The following SYNE2 variants were observed in gnomAD, a reference collection of about 807,000 sequenced individuals.
SYNE2 encodes spectrin repeat containing nuclear envelope protein 2, also known as nesprin-2.
In SYNE2, 431 loss-of-function variants were observed where a neutral mutation model predicts 856.3. The observed-to-expected ratio is 0.50, with a 90% CI of 0.47 to 0.55. The LOEUF (loss-of-function observed/expected upper bound fraction) is 0.55. Among genes scored for constraint, SYNE2 ranks in the 20% least tolerant of loss-of-function variants. The pLI, the probability that SYNE2 is intolerant of heterozygous loss-of-function variation, is 0.00. For missense variants in SYNE2, 8,129 were observed against 8,023.2 expected, an observed-to-expected ratio of 1.01 and a Z score of -0.50; for synonymous variants, 2,923 against 2,872.3, an observed-to-expected ratio of 1.02 and a Z score of -0.56.
rs1443757958 is a variant in SYNE2, at chr14:64,049,727, A to G, written c.7494A>G (p.Ala2498=). The G allele has an allele frequency of 2.5e-6, 4 of 1,614,090 alleles. No homozygotes were observed. Among genetic ancestry groups the G allele is most frequent in the Non-Finnish European group, 1.7e-6 (2 of 1,180,042 alleles). ...TTCTCCACAATATAGGATATTCGGCACAGCATTTGGACAATTTGCTTCAGG... is the reference window on the plus strand; with the variant it reads ...TTCTCCACAATATAGGATATTCGGCGCAGCATTTGGACAATTTGCTTCAGG... ...ALVLHNIGYS[A]QHLDNLLQAL... The change falls in exon 47 of 116, where the codon GCA becomes GCG. Residue 2498 remains alanine (A), a synonymous_variant. Transcript: ENST00000555002.
intron 110 of SYNE2, 72 bp from the exon 111 acceptor site, chr14:64,220,365 T>C (rs2098688757): frequency 1.1e-5 from 17 of 1,543,914 alleles, no homozygotes; most frequent in Non-Finnish European, 1.5e-5. Context: ...ATTTGTTCCC[T>C]ACTGAGGTTC....
Position 64,125,139 on chromosome 14 carries a change from A to G in SYNE2, c.13483A>G (p.Thr4495Ala), listed in dbSNP as rs776906428. The G allele has an allele frequency of 8.1e-6, 13 of 1,614,228 alleles. No individual in the cohort carries two copies. In the East Asian group the frequency reaches 2.0e-4, roughly 25 times the overall value. ...VTMYNFRYPT[T>A]EELKTYTTQL... ...TATGTATAACTTTAGATACCCAACA[A>G]CTGAAGAACTGAAAACCTATACCAC... is the stretch of plus-strand genomic sequence containing the variant. Residue 4495 changes from threonine to alanine, a missense_variant, in exon 71 of 116, where the codon ACT becomes GCT. Thr to Ala is a moderately conservative substitution (Grantham distance 58). This residue lies in a region of SYNE2 where 5,410 missense variants were observed against 5,284.8 expected (regional missense o/e 1.02). Transcript: ENST00000555002.
At chr14:63,940,439 G>A (rs1489013939) in intron 2 of SYNE2, among the ~76,000 whole-genome samples, 175 bp from the exon 3 acceptor site, 17 of 150,566 alleles carry the variant, frequency 1.1e-4, no homozygotes, top group Admixed American at 1.1e-3. Flanking sequence ...GTATCAACAT[G>A]GTTTTTCTAA....
At chr14:64,216,494 T>C (rs974797906) in intron 108 of SYNE2, 107 bp downstream of exon 108, 43 of 1,288,064 alleles carry the variant, frequency 3.3e-5, no homozygotes, top group Non-Finnish European at 4.4e-5. Flanking sequence ...TCCCCAGGCA[T>C]ATTTTGAGTT....
intron 11 of SYNE2, among the ~76,000 whole-genome samples, chr14:63,969,422 C>T (rs1342357691): frequency 1.3e-5 from 2 of 149,630 alleles, no homozygotes; most frequent in African/African-American, 4.9e-5. Flanking sequence ...CTCACTGCAA[C>T]CCCTCCACCT....
intron 1 of SYNE2, among the ~76,000 whole-genome samples, chr14:63,886,311 C>T (rs1479204695): frequency 6.6e-6 from 1 of 152,048 alleles, no homozygotes; most frequent in Admixed American, 6.6e-5. Context: ...AGCTAATGGT[C>T]CTCTTTTGGC....
Position 64,090,739 on chromosome 14 carries a change from T to G in SYNE2, c.11794-127T>G, listed in dbSNP as rs143371564. The G allele has an allele frequency of 8.3e-4, 706 of 855,700 alleles. 1 individual carries two copies. In the African/African-American group the frequency reaches 0.011, roughly 14 times the overall value. The allele number at this position is 855,700 out of a possible 1,614,324, so 53.0% of individuals were successfully genotyped here. A position where few individuals can be genotyped will look rare whatever the true frequency, so the allele number is the denominator to read the frequency against. On this transcript the variant is annotated intron_variant, in intron 59 of 115. Transcript: ENST00000555002. The stretch of plus-strand genomic sequence containing the variant: ...AGTGATATAATAGTTCTTTTCAATC[T>G]GAGCTAAGAAATTATTTTAAAAATG...
At position 64,162,059 on chromosome 14, in the gene SYNE2, G is replaced by A. The variant is rs773609479; in HGVS notation, c.16095-13G>A. 9.9e-6 allele frequency: 16 copies of A among 1,613,952 alleles called. No individual in the cohort carries two copies. Among genetic ancestry groups the A allele is most frequent in the African/African-American group, 1.3e-5 (1 of 74,900 alleles). ...AGAGAATGAGGGTTATGTTATTTGC[G>A]TTGCACTGACAGGTGGACTCAGGTG... On this transcript the variant is annotated splice_polypyrimidine_tract_variant and intron_variant, in intron 87 of 115. Transcript: ENST00000555002.
chr14:63,828,683 A>T (rs1026173409), intron 1 of SYNE2, among the ~76,000 whole-genome samples: 1 of 152,176 alleles, frequency 6.6e-6, no homozygotes, highest in Admixed American at 6.6e-5. Context: ...GTGAGCCAAG[A>T]TCATGACACT....
intron 49 of SYNE2, among the ~76,000 whole-genome samples, chr14:64,060,787 C>A (rs1159477342): frequency 5.9e-5 from 9 of 152,130 alleles, no homozygotes; most frequent in Non-Finnish European, 1.3e-4. Context: ...AGTACTTTAG[C>A]CCAAGGTGGC....
At position 64,000,581 on chromosome 14, in the gene SYNE2, A is replaced by C. The variant is rs1476380764; in HGVS notation, c.3500A>C (p.Asp1167Ala). The C allele has an allele frequency of 1.2e-6, 2 of 1,613,374 alleles. No individual in the cohort carries two copies. The highest frequency in any genetic ancestry group is 2.2e-5 in the East Asian group (1 of 44,760). Reference protein sequence around the residue: ...TDLQVIKNETDARWKEFEIIS... With the variant: ...TDLQVIKNETAARWKEFEIIS... Reference sequence around the variant, plus strand: ...ATCTAGGTCATAAAAAATGAAACTGATGCTCGCTGGAAAGAGTTTGAAATT... The same window carrying C: ...ATCTAGGTCATAAAAAATGAAACTGCTGCTCGCTGGAAAGAGTTTGAAATT... The change falls in exon 28 of 116, where the codon GAT becomes GCT. Residue 1167 changes from aspartate to alanine, a missense_variant. Transcript: ENST00000555002.
intron 66 of SYNE2, among the ~76,000 whole-genome samples, chr14:64,113,865 C>G (rs1217709449): frequency 6.6e-6 from 1 of 152,016 alleles, no homozygotes; most frequent in African/African-American, 2.4e-5. Flanking sequence ...AGTAGGTTAT[C>G]TTATAGGATT....
intron 1 of SYNE2, among the ~76,000 whole-genome samples, chr14:63,864,223 A>G (rs956978456): frequency 2.0e-5 from 3 of 152,234 alleles, no homozygotes; most frequent in African/African-American, 4.8e-5. Flanking sequence ...TTGAGTAAGA[A>G]TCTTTCCTCT....
At chr14:63,922,901 A>G (rs999922213) in intron 2 of SYNE2, among the ~76,000 whole-genome samples, 2 of 152,180 alleles carry the variant, frequency 1.3e-5, no homozygotes, top group Admixed American at 6.6e-5. Context: ...AGAACCCTGG[A>G]TTTATAATCA....
intron 2 of SYNE2, among the ~76,000 whole-genome samples, chr14:63,940,191 C>G (rs1056711790): frequency 6.6e-6 from 1 of 151,882 alleles, no homozygotes; most frequent in South Asian, 2.1e-4. Context: ...CATCTTCCCC[C>G]CTCACAGGTT....
At chr14:64,192,964 G>C (rs544335791) in intron 99 of SYNE2, among the ~76,000 whole-genome samples, 1 of 152,334 alleles carries the variant, frequency 6.6e-6, no homozygotes, top group African/African-American at 2.4e-5. Context: ...TTGTTCAGGT[G>C]AATCTGTGGG....
At chr14:64,145,035 T>C (rs934351300) in intron 83 of SYNE2, among the ~76,000 whole-genome samples, 2 of 150,082 alleles carry the variant, frequency 1.3e-5, no homozygotes, top group Non-Finnish European at 3.0e-5. Flanking sequence ...CATGCAATTC[T>C]CCTGCCTCAG....
In SYNE2 at chr14:63,764,441, G is replaced by A. The variant is rs550281609; in HGVS notation, c.-305+2455G>A. 2.6e-4 allele frequency among the ~76,000 whole-genome samples: 39 copies of A among 152,144 alleles called. 2 individuals are homozygous for A. The South Asian group carries it at 5.0e-3, about 19-fold the overall frequency. On this transcript the variant is annotated intron_variant, in intron 1 of 23. Transcript: ENST00000674003. Reference sequence around the variant, plus strand: ...TCCCAGCACTTTGAGAGGCCATAGCGGGAGGACTGCTTGGGCCCAGGAGTT... The same window carrying A: ...TCCCAGCACTTTGAGAGGCCATAGCAGGAGGACTGCTTGGGCCCAGGAGTT...
intron 13 of SYNE2, 96 bp from the exon 14 acceptor site, chr14:63,978,756 A>C (rs1206586035): frequency 9.4e-7 from 1 of 1,069,058 alleles, no homozygotes; most frequent in African/African-American, 1.6e-5. Flanking sequence ...TTAAAAGAAA[A>C]AGTTAAAGCC....
Sources: allele counts gnomAD v4.1 joint callset (sites outside exome capture counted in the v4.1 genomes callset), GRCh38; gene constraint gnomAD v4.1.1; regional missense constraint gnomAD v4.1.1; transcripts MANE v1.5; gene names NCBI Gene and HGNC (gene_info 2026-07-23, HGNC 2026-07-21).